CDCA3: variants seen among roughly 807,000 people sequenced by gnomAD.
The protein encoded by CDCA3 is cell division cycle associated 3, also known as cell division cycle-associated protein 3.
CDCA3 carries 16 observed loss-of-function variants against 29.1 expected under a neutral mutation model. That is an observed-to-expected ratio of 0.55 (90% CI 0.37 to 0.83). CDCA3 has a LOEUF of 0.83. Among genes scored for constraint, CDCA3 ranks in the 40% least tolerant of loss-of-function variants. The probability of loss-of-function intolerance (pLI) is 0.00; values close to 1 mark genes in which losing one functional copy is unlikely to be tolerated. For missense variants in CDCA3, 291 were observed against 327.2 expected, an observed-to-expected ratio of 0.89 and a Z score of 0.85; for synonymous variants, 88 against 124.5, an observed-to-expected ratio of 0.71 and a Z score of 1.95.
chr12:6,845,900 C>T (rs1190838122), downstream of CDCA3: 28 of 817,174 alleles, frequency 3.4e-5, no homozygotes, highest in Non-Finnish European at 5.6e-5. Flanking sequence ...ATTTCGGACT[C>T]TCTTACTGCT....
In CDCA3 at chr12:6,850,818, G is replaced by A. The variant is rs782281944; in HGVS notation, c.120+15C>T. Reference sequence around the variant, plus strand: ...TTCAGACATTCTCTGCCTTTCCCACGCTGGCCCAGAGTACCTGGATGGGAG... The same window carrying A: ...TTCAGACATTCTCTGCCTTTCCCACACTGGCCCAGAGTACCTGGATGGGAG... On this transcript the variant is annotated intron_variant, in intron 2 of 5. Transcript: ENST00000538862. This position sits in a 1 kb window ranked among gnomAD's most constrained non-coding sequence, Gnocchi z 4.7. 8.1e-6 allele frequency: 13 copies of A among 1,612,472 alleles called. No homozygotes were observed. Among genetic ancestry groups the A allele is most frequent in the South Asian group, 2.2e-5 (2 of 90,952 alleles).
chr12:6,846,691 A>ACC (rs1461854133), downstream of CDCA3: 5 of 646,440 alleles, frequency 7.7e-6, no homozygotes, highest in African/African-American at 1.3e-4. Context: ...ACCCACATAC[A>ACC]CACACACACC....
Position 6,850,669 on chromosome 12 carries a change from G to T in CDCA3, c.121-73C>A. On this transcript the variant is annotated intron_variant, in intron 2 of 5. Coordinates refer to ENST00000538862, the MANE Select transcript of CDCA3 (RefSeq NM_031299.7). The surrounding 1 kb of genome is among the most constrained non-coding windows in gnomAD (Gnocchi z 4.7). ...CCTCTCCTCCCCATATTCCAGGAAG[G>T]AATTGCCAAGGCCCTCAGATATCCA... 6.2e-7 allele frequency: 1 copy of T among 1,606,008 alleles called. No homozygotes were observed. The highest frequency in any genetic ancestry group is 8.5e-7 in the Non-Finnish European group (1 of 1,174,310).
At chr12:6,845,902 C>T, downstream of CDCA3, 6 of 811,012 alleles carry the variant, frequency 7.4e-6, no homozygotes, top group Middle Eastern at 2.9e-4. Context: ...TTCGGACTCT[C>T]TTACTGCTGT....
downstream of CDCA3, chr12:6,845,139 A>C (rs782218469): frequency 6.4e-6 from 1 of 156,412 alleles, no homozygotes; most frequent in South Asian, 2.0e-4. Flanking sequence ...GTTTTTGAAG[A>C]GTACAAACCA....
In CDCA3 at chr12:6,849,126, G is replaced by T; in HGVS notation, c.724C>A (p.Leu242Ile). 1 of 1,592,378 alleles carries T rather than the reference G, an allele frequency of 6.3e-7. No individual in the cohort carries two copies. Reference sequence around the variant, plus strand: ...CATGCTCGTCCTCCAGTTTTCAGAAGTCGTCCAGTTCCAAGAATGGCTCCT... The same window carrying T: ...CATGCTCGTCCTCCAGTTTTCAGAATTCGTCCAGTTCCAAGAATGGCTCCT... ...KEGAILGTGR[L>I]LKTGGRAWEQ... The change falls in exon 6 of 6, where the codon CTT becomes ATT. Residue 242 changes from leucine (L) to isoleucine (I), a missense_variant. Transcript: ENST00000538862. The surrounding 1 kb of genome is among the most constrained non-coding windows in gnomAD (Gnocchi z 5.2).
chr12:6,844,984 G>A (rs908954941), downstream of CDCA3: 7 of 152,234 alleles, frequency 4.6e-5, no homozygotes, highest in African/African-American at 1.7e-4. Flanking sequence ...TTCACCAATA[G>A]CCTCAAAAAT....
At position 6,851,258 on chromosome 12, in the gene CDCA3, G is replaced by C. The variant is rs1398153719; in HGVS notation, c.-94C>G. The C allele has an allele frequency of 8.7e-7, 1 of 1,151,428 alleles. No homozygotes were observed. The highest frequency in any genetic ancestry group is 2.6e-5 in the South Asian group (1 of 38,318). 71.3% of individuals were successfully genotyped at this position (1,151,428 alleles called of 1,614,324 possible). The stretch of plus-strand genomic sequence containing the variant: ...TCCACCTCTGGATGCACAACAGCTC[G>C]TGGCTCAACTCCCGAAGTTACCAGT... On this transcript the variant is annotated 5_prime_UTR_variant, in exon 1 of 6. Transcript: ENST00000538862.
At position 6,849,998 on chromosome 12, in the gene CDCA3, G is replaced by A; in HGVS notation, c.251-140C>T. The A allele has an allele frequency of 2.5e-6, 2 of 791,722 alleles. No homozygotes were observed. The highest frequency in any genetic ancestry group is 3.7e-6 in the Non-Finnish European group (2 of 536,574). The allele number at this position is 791,722 out of a possible 1,614,324, so 49.0% of individuals were successfully genotyped here. A position where few individuals can be genotyped will look rare whatever the true frequency, so the allele number is the denominator to read the frequency against. ...GAAATCAAGGAAATCAAGGTGAAAGGGAGCAATTTTTTTTTTTTTTGAGAT... is the reference window on the plus strand; with the variant it reads ...GAAATCAAGGAAATCAAGGTGAAAGAGAGCAATTTTTTTTTTTTTTGAGAT... On this transcript the variant is annotated intron_variant, in intron 3 of 5. Transcript: ENST00000538862. The surrounding 1 kb of genome is among the most constrained non-coding windows in gnomAD (Gnocchi z 5.2).
rs1382550979 is a variant in CDCA3, at chr12:6,850,037, TC to T, written c.251-180del. Reference sequence around the variant, plus strand: ...TTTTTTTGAGATGGGGCTTGCTCTGTCCCCCAGGCTGGAGTGCAGTGGCGTG... The same window carrying T: ...TTTTTTTGAGATGGGGCTTGCTCTGTCCCCAGGCTGGAGTGCAGTGGCGTG... On this transcript the variant is annotated intron_variant, in intron 3 of 5. Coordinates refer to ENST00000538862, the MANE Select transcript of CDCA3 (RefSeq NM_031299.7). This position sits in a 1 kb window ranked among gnomAD's most constrained non-coding sequence, Gnocchi z 4.7. Among the ~76,000 whole-genome samples, 2 of 151,722 alleles carry T rather than the reference TC, an allele frequency of 1.3e-5. No homozygotes were observed. Among genetic ancestry groups the T allele is most frequent in the Admixed American group, 1.3e-4 (2 of 15,242 alleles).
At chr12:6,845,456 A>G (rs1943667816), downstream of CDCA3, 4 of 654,468 alleles carry the variant, frequency 6.1e-6, no homozygotes, top group Non-Finnish European at 1.1e-5. Flanking sequence ...ACCCCAAACC[A>G]AGGGAGGGAC....
chr12:6,850,742 G>T lies in CDCA3; in HGVS notation c.120+91C>A. 1 of 1,575,102 alleles carries T rather than the reference G, an allele frequency of 6.3e-7. No homozygotes were observed. The highest frequency in any genetic ancestry group is 8.7e-7 in the Non-Finnish European group (1 of 1,153,694). On this transcript the variant is annotated intron_variant, in intron 2 of 5. Coordinates refer to ENST00000538862, the MANE Select transcript of CDCA3 (RefSeq NM_031299.7). The surrounding 1 kb of genome is among the most constrained non-coding windows in gnomAD (Gnocchi z 4.7). ...TTGCAGAAAATAAGGCTAGGATAAGGGTGGGGTCATGACGGCTCTCTCAAA... is the reference window on the plus strand; with the variant it reads ...TTGCAGAAAATAAGGCTAGGATAAGTGTGGGGTCATGACGGCTCTCTCAAA...
downstream of CDCA3, chr12:6,846,179 T>A (rs1294525436): frequency 2.8e-5 from 7 of 249,980 alleles, no homozygotes; most frequent in African/African-American, 1.6e-4. Flanking sequence ...CCGAGGGCCC[T>A]GACTGCAGCC....
downstream of CDCA3, chr12:6,846,822 G>C: frequency 6.2e-7 from 1 of 1,600,298 alleles, no homozygotes; most frequent in African/African-American, 1.3e-5. Flanking sequence ...AACAGGGTGA[G>C]CTGCCTGGGA....
At chr12:6,848,325 C>T (rs2137999135), downstream of CDCA3, 1 of 152,544 alleles carries the variant, frequency 6.6e-6, no homozygotes, top group African/African-American at 2.4e-5. Context: ...GCACTCCAGC[C>T]TGGGTGACAA....
At chr12:6,845,480 G>T, downstream of CDCA3, 1 of 725,556 alleles carries the variant, frequency 1.4e-6, no homozygotes, top group South Asian at 1.6e-5. Context: ...CAGGGAGGCT[G>T]AGAGCAGCGG....
rs1555126335 is a variant in CDCA3 at position 6,850,888 on chromosome 12, G to A, written c.65C>T (p.Ala22Val). 1 of 1,613,908 alleles carries A rather than the reference G, an allele frequency of 6.2e-7. No individual in the cohort carries two copies. The highest frequency in any genetic ancestry group is 1.1e-5 in the South Asian group (1 of 91,066). Residue 22 changes from alanine to valine, a missense_variant, in exon 2 of 6, where the codon GCT (alanine) becomes GTT (valine). Transcript: ENST00000538862. This position sits in a 1 kb window ranked among gnomAD's most constrained non-coding sequence, Gnocchi z 4.7. ...ARPPPHNKHLARVADPRSPSA... is the reference protein window; with the variant it reads ...ARPPPHNKHLVRVADPRSPSA... Reference sequence around the variant, plus strand: ...AGGTGAACGGGGGTCCGCCACTCGAGCCAGATGCTTGTTGTGCGGCGGAGG... The same window carrying A: ...AGGTGAACGGGGGTCCGCCACTCGAACCAGATGCTTGTTGTGCGGCGGAGG...
Position 6,850,712 on chromosome 12 carries a change from T to C in CDCA3, c.121-116A>G. The C allele has an allele frequency of 1.9e-6, 3 of 1,576,524 alleles. No homozygotes were observed. Among genetic ancestry groups the C allele is most frequent in the Non-Finnish European group, 2.6e-6 (3 of 1,154,770 alleles). On this transcript the variant is annotated intron_variant, in intron 2 of 5. Transcript: ENST00000538862. This position sits in a 1 kb window ranked among gnomAD's most constrained non-coding sequence, Gnocchi z 4.7. ...GATATCCAGCCTACCCCACACAGAT[T>C]GAGATTGCAGAAAATAAGGCTAGGA...
chr12:6,846,820 G>A (rs144936565), downstream of CDCA3: 9 of 1,599,550 alleles, frequency 5.6e-6, no homozygotes, highest in African/African-American at 1.2e-4. Context: ...ATAACAGGGT[G>A]AGCTGCCTGG....
Sources: allele counts gnomAD v4.1 joint callset (sites outside exome capture counted in the v4.1 genomes callset), GRCh38; gene constraint gnomAD v4.1.1; non-coding constraint Gnocchi (gnomAD v3.1); transcripts MANE v1.5; gene names NCBI Gene and HGNC (gene_info 2026-07-23, HGNC 2026-07-21).